MCPH1: variants seen among roughly 807,000 people sequenced by gnomAD.
The protein encoded by MCPH1 is microcephalin 1.
Under a neutral mutation model 84.5 loss-of-function variants are expected in MCPH1, and 104 were observed. That is an observed-to-expected ratio of 1.23 (90% CI 1.05 to 1.45). MCPH1 has a LOEUF of 1.45. Among genes scored for constraint, MCPH1 ranks in the 40% most tolerant of loss-of-function variants. The probability of loss-of-function intolerance (pLI) is 0.00; values close to 1 mark genes in which losing one functional copy is unlikely to be tolerated. For missense variants in MCPH1, 1,498 were observed against 1,005.7 expected, an observed-to-expected ratio of 1.49 and a Z score of -6.62; for synonymous variants, 514 against 366.8, an observed-to-expected ratio of 1.40 and a Z score of -4.58.
chr8:6,584,446 C>T lies in MCPH1; in HGVS notation c.2215-37008C>T, dbSNP rs188848424. Among the ~76,000 whole-genome samples the T allele has an allele frequency of 8.0e-4, 122 of 152,294 alleles. 1 individual carries two copies. Among genetic ancestry groups the T allele is most frequent in the African/African-American group, 2.8e-3 (117 of 41,552 alleles). ...GAGATTATTGTGAAAAGAACTCTTA[C>T]TGGCCAATTTTTTTGTTATTTTAAT... On this transcript the variant is annotated intron_variant, in intron 12 of 13. Transcript: ENST00000344683.
chr8:6,560,767 G>A (rs1375028760), intron 12 of MCPH1, among the ~76,000 whole-genome samples: 1 of 152,180 alleles, frequency 6.6e-6, no homozygotes, highest in East Asian at 1.9e-4. Flanking sequence ...GTCTTTAAAT[G>A]TTATCTCAAA....
chr8:6,572,800 G>C (rs186383453), intron 12 of MCPH1, among the ~76,000 whole-genome samples: 1 of 152,214 alleles, frequency 6.6e-6, no homozygotes, highest in Non-Finnish European at 1.5e-5. Context: ...TGTCCCATCT[G>C]GATGCACAAG....
chr8:6,513,793 G>C (rs757679009), intron 12 of MCPH1: 1 of 1,613,916 alleles, frequency 6.2e-7, no homozygotes, highest in South Asian at 1.1e-5. Context: ...TTAGTCAGTT[G>C]CGAAACAAAC....
chr8:6,432,061 C>G (rs1183864351), intron 4 of MCPH1, among the ~76,000 whole-genome samples: 1 of 152,230 alleles, frequency 6.6e-6, no homozygotes, highest in Non-Finnish European at 1.5e-5. Flanking sequence ...ATAACAAAAT[C>G]CACTGATGCT....
chr8:6,462,817 C>G (rs2979652), intron 9 of MCPH1, among the ~76,000 whole-genome samples: 38,475 of 152,176 alleles, frequency 0.25, 6,958 homozygotes, highest in African/African-American at 0.51. Flanking sequence ...GATAGTACCT[C>G]ATATATAGAA....
At chr8:6,640,611 T>TA (rs1042319550) in intron 13 of MCPH1, among the ~76,000 whole-genome samples, 1 of 152,210 alleles carries the variant, frequency 6.6e-6, no homozygotes, top group Non-Finnish European at 1.5e-5. Context: ...TGTTGTGTTA[T>TA]AAAACTCTGT....
intron 12 of MCPH1, among the ~76,000 whole-genome samples, chr8:6,531,117 G>T (rs1420348756): frequency 6.6e-6 from 1 of 152,070 alleles, no homozygotes; most frequent in Non-Finnish European, 1.5e-5. Context: ...CACGACCACG[G>T]CCTTGAGCTT....
At chr8:6,548,582 G>A (rs1823029065) in intron 12 of MCPH1, among the ~76,000 whole-genome samples, 2 of 152,204 alleles carry the variant, frequency 1.3e-5, no homozygotes, top group African/African-American at 2.4e-5. Flanking sequence ...AGGCTGATGA[G>A]CCAAGGTACA....
chr8:6,491,682 C>A (rs1026209880), intron 11 of MCPH1, among the ~76,000 whole-genome samples: 1 of 151,808 alleles, frequency 6.6e-6, no homozygotes. Flanking sequence ...GTGTCCATGT[C>A]TTCTCATTGT....
intron 12 of MCPH1, among the ~76,000 whole-genome samples, chr8:6,608,649 G>C (rs1829987032): frequency 1.3e-5 from 2 of 152,152 alleles, no homozygotes; most frequent in Admixed American, 6.5e-5. Flanking sequence ...CGTCTGGGGA[G>C]AATTTTGTCA....
At chr8:6,615,209 T>C (rs1009771759) in intron 12 of MCPH1, among the ~76,000 whole-genome samples, 2 of 152,188 alleles carry the variant, frequency 1.3e-5, no homozygotes, top group Non-Finnish European at 2.9e-5. Flanking sequence ...CTGTGTGCTT[T>C]CCGTGAGGAA....
intron 13 of MCPH1, among the ~76,000 whole-genome samples, chr8:6,632,166 C>G (rs1036994913): frequency 1.3e-5 from 2 of 152,026 alleles, no homozygotes; most frequent in South Asian, 2.1e-4. Flanking sequence ...GTTGAATTAC[C>G]AAGGGTGGAG....
intron 9 of MCPH1, among the ~76,000 whole-genome samples, chr8:6,455,622 C>G (rs895830920): frequency 3.9e-5 from 6 of 152,140 alleles, no homozygotes; most frequent in African/African-American, 9.7e-5. Context: ...TTGAACTAAC[C>G]AAGTCTTGAC....
At chr8:6,436,839 A>T (rs371336747) in intron 5 of MCPH1, among the ~76,000 whole-genome samples, 2 of 151,908 alleles carry the variant, frequency 1.3e-5, no homozygotes, top group African/African-American at 4.8e-5. Context: ...GAGTGGTGGC[A>T]GGCGCCTGTA....
intron 8 of MCPH1, among the ~76,000 whole-genome samples, chr8:6,449,099 A>G (rs1047411063): frequency 6.6e-6 from 1 of 152,194 alleles, no homozygotes; most frequent in Non-Finnish European, 1.5e-5. Flanking sequence ...AATAAGATAG[A>G]TTTTACGTAT....
chr8:6,444,676 T>G lies in MCPH1; in HGVS notation c.954T>G (p.Ala318=), dbSNP rs770723949. The change falls in exon 8 of 14, where the codon GCT becomes GCG. Residue 318 remains alanine (A), a synonymous_variant. Transcript: ENST00000344683. ...TAGTCACCCCTGACCAAAAGCAGGC[T>G]GCAGGTATGTCTCAGGAGACGTTTG... The part of the protein sequence containing the change: ...GKVVTPDQKQ[A]AGMSQETFEE... 1 of 1,614,100 alleles carries G rather than the reference T, an allele frequency of 6.2e-7. No homozygotes were observed. Among genetic ancestry groups the G allele is most frequent in the Admixed American group, 1.7e-5 (1 of 60,026 alleles).
intron 12 of MCPH1, among the ~76,000 whole-genome samples, chr8:6,606,627 G>A (rs1829797799): frequency 6.6e-6 from 1 of 152,210 alleles, no homozygotes; most frequent in African/African-American, 2.4e-5. Context: ...CTAGTAAGGA[G>A]GAGAGTGTAT....
chr8:6,436,830 A>C (rs1295111311), intron 5 of MCPH1, among the ~76,000 whole-genome samples: 2 of 151,738 alleles, frequency 1.3e-5, no homozygotes, highest in African/African-American at 4.8e-5. Flanking sequence ...ATTAGCTGGG[A>C]GTGGTGGCAG....
At chr8:6,642,228 T>A (rs958491426) in intron 13 of MCPH1, among the ~76,000 whole-genome samples, 1 of 152,204 alleles carries the variant, frequency 6.6e-6, no homozygotes, top group Admixed American at 6.5e-5. Flanking sequence ...TAATCTACCT[T>A]ATCATCCAAT....
Sources: allele counts gnomAD v4.1 joint callset (sites outside exome capture counted in the v4.1 genomes callset), GRCh38; gene constraint gnomAD v4.1.1; transcripts MANE v1.5; gene names NCBI Gene and HGNC (gene_info 2026-07-23, HGNC 2026-07-21).